CNGA2: variants seen among roughly 807,000 people sequenced by gnomAD.
The protein encoded by CNGA2 is cyclic nucleotide-gated channel alpha-2.
CNGA2 carries 22 observed loss-of-function variants against 35.9 expected under a neutral mutation model. That is an observed-to-expected ratio of 0.61 (90% confidence interval 0.44 to 0.88). The LOEUF (loss-of-function observed/expected upper bound fraction) is 0.88. Among genes scored for constraint, CNGA2 ranks in the 40% least tolerant of loss-of-function variants. CNGA2 has a pLI of 0.00. For missense variants in CNGA2, 555 were observed against 530.8 expected, an observed-to-expected ratio of 1.05 and a Z score of -0.45; for synonymous variants, 217 against 209.2, an observed-to-expected ratio of 1.04 and a Z score of -0.32.
intron 6 of CNGA2, 70 bp downstream of exon 6, chrX:151,742,712 A>C: frequency 1.2e-6 from 1 of 822,334 alleles, no homozygotes; most frequent in Admixed American, 2.3e-5. Flanking sequence ...CCCACTGGAC[A>C]TGGTGTTGGA....
At chrX:151,742,974 A>G (rs370940957) in intron 6 of CNGA2, 119 bp from the exon 7 acceptor site, 3,442 of 69,734 alleles carry the variant, frequency 0.049, 153 homozygotes, top group Middle Eastern at 0.086. Context: ...ATATATATGT[A>G]TATATATACA....
In CNGA2 at chrX:151,743,304, C is replaced by T. The variant is rs1475277464; in HGVS notation, c.801C>T (p.Thr267=). ...FEFFDRTETR[T]NYPNIFRISN... is the part of the protein sequence containing the mutation. ...TCTTTGACCGGACAGAGACACGCAC[C>T]AACTACCCTAACATCTTCCGCATCA... Residue 267 remains threonine (T), a synonymous_variant, in exon 7 of 7, where the codon ACC becomes ACT. Coordinates refer to ENST00000329903, the MANE Select transcript of CNGA2 (RefSeq NM_005140.3). 1.7e-6 allele frequency: 2 copies of T among 1,209,063 alleles called. No homozygotes were observed. Among genetic ancestry groups the T allele is most frequent in the Non-Finnish European group, 2.2e-6 (2 of 894,997 alleles).
rs1291758849 is a variant in CNGA2 at position 151,738,471 on chromosome X, T to C, written c.-13T>C. ...TCTTCCTGGCAGATAAGTGCTCTGG[T>C]TGTACATGGAGGATGACCGAAAAAA... On this transcript the variant is annotated 5_prime_UTR_variant, in exon 2 of 7. Coordinates refer to ENST00000329903, the MANE Select transcript of CNGA2 (RefSeq NM_005140.3). 8.4e-7 allele frequency: 1 copy of C among 1,194,306 alleles called. No individual in the cohort carries two copies. Among genetic ancestry groups the C allele is most frequent in the Non-Finnish European group, 1.1e-6 (1 of 880,440 alleles).
rs2015345611 is a variant in CNGA2, at chrX:151,743,956, G to A, written c.1453G>A (p.Gly485Arg). The change falls in exon 7 of 7, where the codon GGG (glycine) becomes AGG (arginine). Residue 485 changes from glycine (G) to arginine (R), a missense_variant. Transcript: ENST00000329903. ...FSPGDYICRKGDIGKEMYIIK... is the reference protein window; with the variant it reads ...FSPGDYICRKRDIGKEMYIIK... Reference sequence around the variant, plus strand: ...TCCTGGGGATTACATTTGCCGCAAAGGGGACATCGGCAAGGAGATGTACAT... The same window carrying A: ...TCCTGGGGATTACATTTGCCGCAAAAGGGACATCGGCAAGGAGATGTACAT... The A allele has an allele frequency of 1.1e-5, 13 of 1,211,398 alleles. No homozygotes were observed. The highest frequency in any genetic ancestry group is 1.8e-5 in the South Asian group (1 of 56,934).
In CNGA2 at chrX:151,744,687, G is replaced by A; in HGVS notation, c.*189G>A. The A allele has an allele frequency of 7.2e-6, 3 of 416,099 alleles. No individual in the cohort carries two copies. The highest frequency in any genetic ancestry group is 1.2e-5 in the Non-Finnish European group (3 of 246,040). 34.3% of individuals were successfully genotyped at this position (416,099 alleles called of 1,213,427 possible). ...GCCTCCAAGTTTAGCCCAAGTTTGTGGAGAGTACAGACTGCGTTGGCTGGG... is the reference window on the plus strand; with the variant it reads ...GCCTCCAAGTTTAGCCCAAGTTTGTAGAGAGTACAGACTGCGTTGGCTGGG... On this transcript the variant is annotated 3_prime_UTR_variant, in exon 7 of 7. Transcript: ENST00000329903.
intron 6 of CNGA2, among the ~76,000 whole-genome samples, 168 bp from the exon 7 acceptor site, chrX:151,742,925 G>GATATATAT (rs34829464): frequency 4.9e-5 from 3 of 61,435 alleles, no homozygotes; most frequent in African/African-American, 3.0e-4. Flanking sequence ...TATAGGGAAG[G>GATATATAT]ATATATATAT....
At position 151,739,553 on chromosome X, in the gene CNGA2, C is replaced by T. The variant is rs763522599; in HGVS notation, c.204-9C>T. 8.3e-7 allele frequency: 1 copy of T among 1,203,893 alleles called. No homozygotes were observed. The highest frequency in any genetic ancestry group is 1.1e-6 in the Non-Finnish European group (1 of 890,644). On this transcript the variant is annotated splice_polypyrimidine_tract_variant and intron_variant, in intron 3 of 6. Coordinates refer to ENST00000329903, the MANE Select transcript of CNGA2 (RefSeq NM_005140.3). ...GCTCTGGCTCATACTCTTTTTCTCT[C>T]ACCTCTAGGATAGTTCGCCTGGTGG... is the stretch of plus-strand genomic sequence containing the variant.
chrX:151,743,692 C>G lies in CNGA2; in HGVS notation c.1189C>G (p.Gln397Glu). 1 of 1,211,629 alleles carries G rather than the reference C, an allele frequency of 8.3e-7. No homozygotes were observed. Among genetic ancestry groups the G allele is most frequent in the Non-Finnish European group, 1.1e-6 (1 of 895,527 alleles). The stretch of plus-strand genomic sequence containing the variant: ...GATCGATGCCGTGAAACACTACATG[C>G]AGTTCCGAAAGGTCAGCAAGGGGAT... Reference protein sequence around the residue: ...AKIDAVKHYMQFRKVSKGMEA... With the variant: ...AKIDAVKHYMEFRKVSKGMEA... The change falls in exon 7 of 7, where the codon CAG (glutamine) becomes GAG (glutamate). Residue 397 changes from glutamine (Q) to glutamate (E), a missense_variant. Coordinates refer to ENST00000329903, the MANE Select transcript of CNGA2 (RefSeq NM_005140.3).
At chrX:151,738,757 C>G in intron 2 of CNGA2, 30 bp from the exon 3 acceptor site, 2 of 1,149,121 alleles carry the variant, frequency 1.7e-6, no homozygotes, top group Non-Finnish European at 1.2e-6. Flanking sequence ...CCCTGAGAAC[C>G]CTGGGTCAAT....
At chrX:151,735,648 A>G (rs1382439959) in intron 1 of CNGA2, among the ~76,000 whole-genome samples, 1 of 111,586 alleles carries the variant, frequency 9.0e-6, no homozygotes, top group Non-Finnish European at 1.9e-5. Context: ...ACAAGCACAC[A>G]TATTTTTATT....
Position 151,739,595 on chromosome X carries a change from G to A in CNGA2, c.237G>A (p.Trp79Ter). The change falls in exon 4 of 7, where the codon TGG (tryptophan) becomes TGA (stop). Residue 79 changes from tryptophan (W) to a stop codon, truncating the protein, a stop_gained. Coordinates refer to ENST00000329903, the MANE Select transcript of CNGA2 (RefSeq NM_005140.3). LOFTEE classifies it high-confidence loss of function. ...IVRLVGIIRE[W>*]ANKNFREEEP... ...GCCTGGTGGGGATCATCAGAGAATGGGCCAACAAGAATTTCCGAGAGGAGG... is the reference window on the plus strand; with the variant it reads ...GCCTGGTGGGGATCATCAGAGAATGAGCCAACAAGAATTTCCGAGAGGAGG... The A allele has an allele frequency of 1.7e-6, 2 of 1,211,528 alleles. No individual in the cohort carries two copies. Among genetic ancestry groups the A allele is most frequent in the Non-Finnish European group, 2.2e-6 (2 of 895,406 alleles).
rs757280109 is a variant in CNGA2, at chrX:151,740,945, T to G, written c.482+44T>G. 7 of 1,007,282 alleles carry G rather than the reference T, an allele frequency of 6.9e-6. No homozygotes were observed. The Admixed American group carries it at 1.5e-4, about 22-fold the overall frequency. The allele number at this position is 1,007,282 out of a possible 1,213,427, so 83.0% of individuals were successfully genotyped here. A position where few individuals can be genotyped will look rare whatever the true frequency, so the allele number is the denominator to read the frequency against. On this transcript the variant is annotated intron_variant, in intron 5 of 6. Transcript: ENST00000329903. ...AGGAGGGGTGGCCAAAGCAACCCAG[T>G]CTTCAGACCCCGGGATTGACGGCGC...
chrX:151,736,040 C>T (rs1332900496), intron 1 of CNGA2, among the ~76,000 whole-genome samples: 1 of 111,616 alleles, frequency 9.0e-6, no homozygotes, highest in African/African-American at 3.3e-5. Flanking sequence ...GGGCATTGGC[C>T]TTGCAGACAG....
rs151204211 is a variant in CNGA2 at position 151,743,324 on chromosome X, G to A, written c.821G>A (p.Arg274His). 1,098 of 1,205,000 alleles carry A rather than the reference G, an allele frequency of 9.1e-4. 1 individual carries two copies. The highest frequency in any genetic ancestry group is 2.1e-3 in the Middle Eastern group (9 of 4,346). ...ETRTNYPNIF[R>H]ISNLVLYILV... ...CGCACCAACTACCCTAACATCTTCC[G>A]CATCAGCAACCTTGTCCTCTACATC... The change falls in exon 7 of 7, where the codon CGC (arginine) becomes CAC (histidine). Residue 274 changes from arginine to histidine, a missense_variant. Transcript: ENST00000329903.
In CNGA2 at chrX:151,743,698, C is replaced by G; in HGVS notation, c.1195C>G (p.Arg399Gly). 8.3e-7 allele frequency: 1 copy of G among 1,211,528 alleles called. No individual in the cohort carries two copies. The highest frequency in any genetic ancestry group is 1.1e-6 in the Non-Finnish European group (1 of 895,521). ...TGCCGTGAAACACTACATGCAGTTC[C>G]GAAAGGTCAGCAAGGGGATGGAAGC... ...IDAVKHYMQFRKVSKGMEAKV... is the reference protein window; with the variant it reads ...IDAVKHYMQFGKVSKGMEAKV... The change falls in exon 7 of 7, where the codon CGA becomes GGA. Residue 399 changes from arginine to glycine, a missense_variant. Coordinates refer to ENST00000329903, the MANE Select transcript of CNGA2 (RefSeq NM_005140.3).
chrX:151,736,068 C>T (rs1173612223), intron 1 of CNGA2, among the ~76,000 whole-genome samples: 7 of 111,718 alleles, frequency 6.3e-5, no homozygotes, highest in Admixed American at 1.9e-4. Context: ...CCTGAAAGTT[C>T]TGCCTTCCCT....
chrX:151,742,914 C>A, intron 6 of CNGA2, among the ~76,000 whole-genome samples, 179 bp from the exon 7 acceptor site: 1 of 67,053 alleles, frequency 1.5e-5, no homozygotes, highest in African/African-American at 8.6e-5. Flanking sequence ...AGATATTAGC[C>A]TATAGGGAAG....
At chrX:151,742,253 G>A (rs916773924) in intron 5 of CNGA2, among the ~76,000 whole-genome samples, 13 of 112,169 alleles carry the variant, frequency 1.2e-4, no homozygotes, top group Non-Finnish European at 1.9e-4. Context: ...GGGGCATGCC[G>A]TAATGACTAA....
In CNGA2 at chrX:151,743,267, G is replaced by T; in HGVS notation, c.764G>T (p.Arg255Leu). The T allele has an allele frequency of 8.3e-7, 1 of 1,208,045 alleles. No homozygotes were observed. The highest frequency in any genetic ancestry group is 1.1e-6 in the Non-Finnish European group (1 of 894,805). The change falls in exon 7 of 7, where the codon CGC (arginine) becomes CTC (leucine). Residue 255 changes from arginine (R) to leucine (L), a missense_variant. Coordinates refer to ENST00000329903, the MANE Select transcript of CNGA2 (RefSeq NM_005140.3). ...TTCAACCGCCTGCTGCACTTTGCCC[G>T]CATGTTTGAGTTCTTTGACCGGACA... Reference protein sequence around the residue: ...VRFNRLLHFARMFEFFDRTET... With the variant: ...VRFNRLLHFALMFEFFDRTET...
Sources: allele counts gnomAD v4.1 joint callset (sites outside exome capture counted in the v4.1 genomes callset), GRCh38; gene constraint gnomAD v4.1.1; transcripts MANE v1.5; gene names NCBI Gene and HGNC (gene_info 2026-07-23, HGNC 2026-07-21).